FRAS1: variants seen among roughly 807,000 people sequenced by gnomAD.
FRAS1 encodes the protein extracellular matrix organizing protein FRAS1.
In FRAS1, 290 loss-of-function variants were observed where a neutral mutation model predicts 435.2. The observed-to-expected ratio is 0.67, with a 90% CI of 0.61 to 0.73. The LOEUF (loss-of-function observed/expected upper bound fraction) is 0.73, where lower values mean the gene tolerates loss of function less well. Ranked by LOEUF, FRAS1 falls within the 30% of genes least tolerant of loss-of-function variation. The pLI is 0.00. For synonymous variants in FRAS1, 1,800 were observed against 1,851.0 expected, an observed-to-expected ratio of 0.97 and a Z score of 0.71; for missense variants, 4,860 against 5,001.5, an observed-to-expected ratio of 0.97 and a Z score of 0.85.
At chr4:78,357,674 G>T (rs932040270) in intron 20 of FRAS1, among the ~76,000 whole-genome samples, 1 of 152,064 alleles carries the variant, frequency 6.6e-6, no homozygotes, top group African/African-American at 2.4e-5. Context: ...AACCAAGGAG[G>T]GAAGATTGCT....
chr4:78,135,168 A>G (rs911818582), intron 2 of FRAS1, among the ~76,000 whole-genome samples: 1 of 152,208 alleles, frequency 6.6e-6, no homozygotes, highest in South Asian at 2.1e-4. Flanking sequence ...ATTTTGATTG[A>G]CCTTGCTGAT....
At chr4:78,377,672 T>C (rs1731828441) in intron 26 of FRAS1, among the ~76,000 whole-genome samples, 3 of 152,228 alleles carry the variant, frequency 2.0e-5, no homozygotes, top group Admixed American at 1.3e-4. Context: ...CCAGTGTAAA[T>C]TAACTGGTGC....
intron 30 of FRAS1, among the ~76,000 whole-genome samples, chr4:78,405,668 TAGTGTATTA>T (rs1733071378): frequency 6.6e-6 from 1 of 152,224 alleles, no homozygotes; most frequent in Admixed American, 6.5e-5. Flanking sequence ...GTCTAGTGTC[TAGTGTATTA>T]AGATTCGAGT....
Position 78,537,157 on chromosome 4 carries a change from G to T in FRAS1, c.11255G>T (p.Cys3752Phe). The T allele has an allele frequency of 6.2e-7, 1 of 1,613,892 alleles. No homozygotes were observed. Among genetic ancestry groups the T allele is most frequent in the Admixed American group, 1.7e-5 (1 of 60,004 alleles). ...TACAATGAAGGGCCCCAGTATGGATGCATTCAGCCAAACAAACACCTAAAA... is the reference window on the plus strand; with the variant it reads ...TACAATGAAGGGCCCCAGTATGGATTCATTCAGCCAAACAAACACCTAAAA... ...TIYNEGPQYG[C>F]IQPNKHLKHR... is the part of the protein sequence containing the mutation. The change falls in exon 72 of 74, where the codon TGC becomes TTC. Residue 3752 changes from cysteine (C) to phenylalanine (F), a missense_variant. By Grantham distance (205) the Cys-to-Phe change is radical (BLOSUM62 -2). Transcript: ENST00000512123.
chr4:78,239,432 C>A (rs1336265890), intron 3 of FRAS1, among the ~76,000 whole-genome samples: 1 of 152,230 alleles, frequency 6.6e-6, no homozygotes, highest in South Asian at 2.1e-4. Context: ...CTCACAATAG[C>A]CTCTTAACTG....
At chr4:78,366,843 CA>C (rs1210280012) in intron 22 of FRAS1, among the ~76,000 whole-genome samples, 2 of 152,136 alleles carry the variant, frequency 1.3e-5, no homozygotes, top group African/African-American at 4.8e-5. Flanking sequence ...AATGTAATAC[CA>C]CGGAAGCTGA....
intron 2 of FRAS1, among the ~76,000 whole-genome samples, chr4:78,150,343 A>AG (rs1720594242): frequency 6.6e-6 from 1 of 152,198 alleles, no homozygotes; most frequent in Non-Finnish European, 1.5e-5. Context: ...CTGTATATAA[A>AG]GGAGATAAAA....
chr4:78,097,402 C>G (rs745718892), intron 2 of FRAS1, among the ~76,000 whole-genome samples: 7 of 152,114 alleles, frequency 4.6e-5, no homozygotes, highest in Non-Finnish European at 8.8e-5. Flanking sequence ...TCTTTTCAGC[C>G]CACTCTACTG....
intron 35 of FRAS1, among the ~76,000 whole-genome samples, chr4:78,426,854 G>A (rs1734015316): frequency 6.6e-6 from 1 of 152,204 alleles, no homozygotes; most frequent in Non-Finnish European, 1.5e-5. Flanking sequence ...GTGATAGCTA[G>A]TTATGTAATA....
At chr4:78,113,757 A>T (rs1408147260) in intron 2 of FRAS1, among the ~76,000 whole-genome samples, 2 of 151,778 alleles carry the variant, frequency 1.3e-5, no homozygotes, top group Admixed American at 1.3e-4. Flanking sequence ...GATTGCAAAA[A>T]TTTTCTCCCG....
intron 32 of FRAS1, 25 bp from the exon 33 acceptor site, chr4:78,418,924 C>G (rs369181154): frequency 3.1e-5 from 44 of 1,396,902 alleles, no homozygotes; most frequent in Non-Finnish European, 4.3e-5. Context: ...CCATGTGTTC[C>G]TCTTCCTTCT....
chr4:78,324,431 G>T (rs907469663), intron 18 of FRAS1, among the ~76,000 whole-genome samples: 1 of 151,944 alleles, frequency 6.6e-6, no homozygotes, highest in Admixed American at 6.6e-5. Flanking sequence ...TAATCTTATG[G>T]CATAAATTCT....
intron 20 of FRAS1, among the ~76,000 whole-genome samples, chr4:78,347,605 T>G (rs1730653427): frequency 6.6e-6 from 1 of 152,186 alleles, no homozygotes; most frequent in Non-Finnish European, 1.5e-5. Flanking sequence ...TCTGTGCTGT[T>G]ACATGCTCTT....
At chr4:78,295,352 G>A (rs894487294) in intron 14 of FRAS1, among the ~76,000 whole-genome samples, 2 of 152,160 alleles carry the variant, frequency 1.3e-5, no homozygotes, top group Non-Finnish European at 2.9e-5. Context: ...GTACTAATTT[G>A]TACTCTTACC....
rs534435083 is a variant in FRAS1, at chr4:78,285,730, G to A, written c.1400-675G>A. On this transcript the variant is annotated intron_variant, in intron 13 of 73. Transcript: ENST00000512123. Reference sequence around the variant, plus strand: ...TACAGGTGTGAGCCACTGCCACCTGGTATCTTCCACATTCTTATCTATAAA... The same window carrying A: ...TACAGGTGTGAGCCACTGCCACCTGATATCTTCCACATTCTTATCTATAAA... Among the ~76,000 whole-genome samples the A allele has an allele frequency of 7.9e-5, 12 of 152,140 alleles. No individual in the cohort carries two copies. The South Asian group carries it at 2.5e-3, about 32-fold the overall frequency.
rs1720018053 is a variant in FRAS1 at position 78,481,808 on chromosome 4, A to C, written c.8448A>C (p.Thr2816=). 6.2e-7 allele frequency: 1 copy of C among 1,613,792 alleles called. No homozygotes were observed. Residue 2816 remains threonine (T), a synonymous_variant, in exon 57 of 74, where the codon ACA becomes ACC. Coordinates refer to ENST00000512123, the MANE Select transcript of FRAS1 (RefSeq NM_025074.7). ...TCTCTATGAATCTTAATTCAGGCAC[A>C]GTAAAGATTCCAGTTATCCGCCATG... is the stretch of plus-strand genomic sequence containing the variant. ...TAFTVSEDAG[T]VKIPVIRHGT...
chr4:78,531,266 A>G (rs902387316), intron 70 of FRAS1, among the ~76,000 whole-genome samples: 1 of 152,184 alleles, frequency 6.6e-6, no homozygotes, highest in Non-Finnish European at 1.5e-5. Flanking sequence ...TTCTAAATAT[A>G]CAATCATGTC....
At chr4:78,418,031 G>A (rs1469509669) in intron 32 of FRAS1, among the ~76,000 whole-genome samples, 1 of 152,180 alleles carries the variant, frequency 6.6e-6, no homozygotes, top group Non-Finnish European at 1.5e-5. Context: ...CCTAGCAATG[G>A]GAGTCTGAAG....
chr4:78,399,929 C>T (rs1732816321), intron 29 of FRAS1, among the ~76,000 whole-genome samples: 1 of 152,208 alleles, frequency 6.6e-6, no homozygotes, highest in African/African-American at 2.4e-5. Flanking sequence ...GTTGACTTTC[C>T]AGTGCCTATG....
Sources: gnomAD v4.1 joint callset for allele counts (sites outside exome capture counted in the v4.1 genomes callset) on GRCh38, gnomAD v4.1.1 for gene constraint, MANE v1.5 for transcripts, NCBI Gene and HGNC (gene_info 2026-07-23, HGNC 2026-07-21) for gene names.